CDC5L: variants seen among roughly 807,000 people sequenced by gnomAD.
CDC5L encodes the protein cell division cycle 5-like protein.
A neutral mutation model predicts 104.1 loss-of-function variants in CDC5L; 18 were observed. The observed-to-expected ratio is 0.17, with a 90% CI of 0.12 to 0.26. CDC5L has a LOEUF of 0.26. Among genes scored for constraint, CDC5L ranks in the 10% least tolerant of loss-of-function variants. The probability of loss-of-function intolerance (pLI) is 1.00; values close to 1 mark genes in which losing one functional copy is unlikely to be tolerated. For synonymous variants in CDC5L, 331 were observed against 322.7 expected (o/e 1.03, Z -0.28); for missense variants, 673 against 956.9 (o/e 0.70, Z 3.91).
rs9381322 is a variant in CDC5L, at chr6:44,437,994, G to T, written c.2092-7661G>T. 2.8e-3 allele frequency among the ~76,000 whole-genome samples: 434 copies of T among 152,288 alleles called. 9 individuals carry two copies. In the East Asian group the frequency reaches 0.061, roughly 21 times the overall value. ...AGACAGGGTCTTTCTCTGTTGACCA[G>T]GCTGGAGTGCAGTGGCGCGATCATG... is the stretch of plus-strand genomic sequence containing the variant. On this transcript the variant is annotated intron_variant, in intron 14 of 15. Transcript: ENST00000371477.
chr6:44,403,761 C>G (rs763273005), intron 5 of CDC5L, 48 bp from the exon 6 acceptor site: 5 of 1,279,940 alleles, frequency 3.9e-6, no homozygotes, highest in Middle Eastern at 1.9e-4. Flanking sequence ...ATAATTTATC[C>G]CTGTCACATG....
At chr6:44,388,563 GA>G (rs59483157) in intron 1 of CDC5L, among the ~76,000 whole-genome samples, 14,540 of 152,068 alleles carry the variant, frequency 0.096, 1,465 homozygotes, top group East Asian at 0.55. Flanking sequence ...GAGTGAAATA[GA>G]AATTAGATTT....
chr6:44,446,552 GA>G, intron 15 of CDC5L, 54 bp from the exon 16 acceptor site: 4 of 768,326 alleles, frequency 5.2e-6, no homozygotes, highest in South Asian at 3.9e-5. Context: ...AAGTACTGTA[GA>G]TTTTTTTCAG....
chr6:44,424,942 C>T (rs11572014), intron 11 of CDC5L, among the ~76,000 whole-genome samples: 1,808 of 152,040 alleles, frequency 0.012, 18 homozygotes, highest in Middle Eastern at 0.054. Flanking sequence ...CTGGGTGGTG[C>T]GATGTACGAG....
At chr6:44,444,705 C>G (rs1290103704) in intron 14 of CDC5L, among the ~76,000 whole-genome samples, 1 of 152,108 alleles carries the variant, frequency 6.6e-6, no homozygotes, top group African/African-American at 2.4e-5. Context: ...ATTTGCACAC[C>G]TGTTTAAAAC....
chr6:44,391,611 A>C (rs1257278037), intron 2 of CDC5L, among the ~76,000 whole-genome samples: 2 of 152,114 alleles, frequency 1.3e-5, no homozygotes, highest in Non-Finnish European at 2.9e-5. Flanking sequence ...TCTTGGCATG[A>C]GTTATTTAGC....
chr6:44,416,438 G>C (rs1203997865), intron 8 of CDC5L, among the ~76,000 whole-genome samples: 1 of 152,118 alleles, frequency 6.6e-6, no homozygotes, highest in Non-Finnish European at 1.5e-5. Context: ...TGGAGCAGTG[G>C]GGTGCAAGGA....
intron 8 of CDC5L, among the ~76,000 whole-genome samples, chr6:44,417,060 T>G (rs1248228823): frequency 3.3e-5 from 5 of 152,354 alleles, no homozygotes; most frequent in African/African-American, 9.6e-5. Flanking sequence ...TAGTGCATTT[T>G]ACTATGCTTA....
intron 6 of CDC5L, among the ~76,000 whole-genome samples, chr6:44,405,441 G>T (rs188383309): frequency 1.3e-5 from 2 of 152,322 alleles, no homozygotes; most frequent in Admixed American, 6.5e-5. Context: ...ACACACAGAA[G>T]GGGAGGAGGT....
rs1342855572 is a variant in CDC5L at position 44,422,764 on chromosome 6, G to A, written c.1359G>A (p.Glu453=). The change falls in exon 10 of 16, where the codon GAG becomes GAA. Residue 453 remains glutamate, a synonymous_variant. Transcript: ENST00000371477. ...GAGACAAGTTAAACATTAATCCCGA[G>A]GATGGAATGGCAGACTATAGTGATC... ...PLRDKLNINP[E]DGMADYSDPS... 4 of 1,612,876 alleles carry A rather than the reference G, an allele frequency of 2.5e-6. No homozygotes were observed. Among genetic ancestry groups the A allele is most frequent in the Non-Finnish European group, 2.5e-6 (3 of 1,179,114 alleles).
intron 8 of CDC5L, among the ~76,000 whole-genome samples, chr6:44,413,338 C>T (rs1036804485): frequency 2.0e-5 from 3 of 152,074 alleles, no homozygotes; most frequent in Non-Finnish European, 2.9e-5. Flanking sequence ...TCCTTTTTGT[C>T]ATTGCATAAT....
At chr6:44,388,227 C>G (rs1262549405) in intron 1 of CDC5L, among the ~76,000 whole-genome samples, 4 of 149,844 alleles carry the variant, frequency 2.7e-5, no homozygotes, top group African/African-American at 9.9e-5. Context: ...GCACCATCCA[C>G]TCTTAGTCCA....
At chr6:44,438,281 A>G (rs1393774983) in intron 14 of CDC5L, among the ~76,000 whole-genome samples, 4 of 152,222 alleles carry the variant, frequency 2.6e-5, no homozygotes, top group Admixed American at 6.5e-5. Flanking sequence ...AGGAACTTGA[A>G]TGTAACTTGA....
intron 2 of CDC5L, 53 bp downstream of exon 2, chr6:44,390,424 TG>T (rs1468040667): frequency 1.3e-5 from 14 of 1,116,112 alleles, no homozygotes; most frequent in Middle Eastern, 2.0e-4. Context: ...ATTATGATGA[TG>T]GAAAATGTCA....
chr6:44,426,294 A>C (rs1792419272), intron 12 of CDC5L, 111 bp downstream of exon 12: 2 of 817,794 alleles, frequency 2.4e-6, no homozygotes, highest in Admixed American at 2.7e-5. Context: ...ACTTTCTGGA[A>C]TATAGCAAAG....
chr6:44,391,732 G>A (rs533784490), intron 2 of CDC5L, among the ~76,000 whole-genome samples: 1 of 152,146 alleles, frequency 6.6e-6, no homozygotes, highest in Non-Finnish European at 1.5e-5. Context: ...AATTGGCCAG[G>A]CGTGGTGGCT....
At position 44,424,576 on chromosome 6, in the gene CDC5L, G is replaced by A. The variant is rs145762260; in HGVS notation, c.1562G>A (p.Arg521Gln). 171 of 1,613,636 alleles carry A rather than the reference G, an allele frequency of 1.1e-4. No individual in the cohort carries two copies. The highest frequency in any genetic ancestry group is 1.3e-4 in the Non-Finnish European group (158 of 1,179,796). Residue 521 changes from arginine to glutamine, a missense_variant, in exon 11 of 16, where the codon CGA (arginine) becomes CAA (glutamine). Coordinates refer to ENST00000371477, the MANE Select transcript of CDC5L (RefSeq NM_001253.4). Reference sequence around the variant, plus strand: ...GAAGATGCTGCTGATGTGGATGCTCGAAAGCAGGTGGGTAACTGTACTGAA... The same window carrying A: ...GAAGATGCTGCTGATGTGGATGCTCAAAAGCAGGTGGGTAACTGTACTGAA... ...YIEDAADVDA[R>Q]KQAIRDAERV...
chr6:44,433,662 G>A (rs1380056736), intron 14 of CDC5L, among the ~76,000 whole-genome samples: 1 of 152,118 alleles, frequency 6.6e-6, no homozygotes, highest in Non-Finnish European at 1.5e-5. Flanking sequence ...GTCAACTGTA[G>A]TCAAGAAATA....
chr6:44,411,606 G>A (rs1003691541), intron 8 of CDC5L, among the ~76,000 whole-genome samples: 54 of 60,070 alleles, frequency 9.0e-4, no homozygotes, highest in African/African-American at 2.8e-3. Flanking sequence ...TCCTGTGAGA[G>A]ACAGAGAGAG....
Sources: gnomAD v4.1 joint callset for allele counts (sites outside exome capture counted in the v4.1 genomes callset) on GRCh38, gnomAD v4.1.1 for gene constraint, MANE v1.5 for transcripts, NCBI Gene and HGNC (gene_info 2026-07-23, HGNC 2026-07-21) for gene names.